The following PTPRD variants were observed in gnomAD, a reference collection of about 807,000 sequenced individuals.
PTPRD encodes protein tyrosine phosphatase receptor type D, also known as receptor-type tyrosine-protein phosphatase delta.
Under a neutral mutation model 214.5 loss-of-function variants are expected in PTPRD, and 34 were observed. The ratio of observed to expected loss-of-function variants is 0.16; its 90% CI spans 0.12 to 0.21. The LOEUF (loss-of-function observed/expected upper bound fraction) is 0.21. Ranked by LOEUF, PTPRD falls within the 10% of genes least tolerant of loss-of-function variation. PTPRD has a pLI of 1.00. For missense variants in PTPRD, 2,545 were observed against 2,398.7 expected (o/e 1.06, Z -1.27); for synonymous variants, 1,128 against 845.7 (o/e 1.33, Z -5.79).
chr9:9,212,476 A>G (rs1177790452), intron 9 of PTPRD, among the ~76,000 whole-genome samples: 1 of 152,160 alleles, frequency 6.6e-6, no homozygotes, highest in East Asian at 1.9e-4. Flanking sequence ...TTTTAACGCT[A>G]TTAATTGTAT....
intron 11 of PTPRD, among the ~76,000 whole-genome samples, chr9:8,867,612 T>C (rs1280208286): frequency 6.6e-6 from 1 of 152,228 alleles, no homozygotes; most frequent in Non-Finnish European, 1.5e-5. Flanking sequence ...ACGATGGATA[T>C]CAAAACTGCT....
chr9:9,506,979 ATTATATACAAGTATACTTGTC>A (rs1380989451), intron 8 of PTPRD, among the ~76,000 whole-genome samples: 1 of 151,476 alleles, frequency 6.6e-6, no homozygotes, highest in Non-Finnish European at 1.5e-5. Context: ...GTACTCAAAG[ATTATATACAAGTATACTTGTC>A]TTAGTTCCAT....
At chr9:8,573,627 T>C (rs919890235) in intron 14 of PTPRD, among the ~76,000 whole-genome samples, 1 of 151,994 alleles carries the variant, frequency 6.6e-6, no homozygotes, top group African/African-American at 2.4e-5. Flanking sequence ...ATATCTCTAA[T>C]GTTCACAAGC....
chr9:8,488,492 CAT>C (rs1341374023), intron 27 of PTPRD, among the ~76,000 whole-genome samples: 1 of 152,070 alleles, frequency 6.6e-6, no homozygotes. Context: ...ATATATAAAA[CAT>C]GTGTGTTGAA....
At chr9:9,894,320 A>G (rs1251078668) in intron 5 of PTPRD, among the ~76,000 whole-genome samples, 1 of 151,964 alleles carries the variant, frequency 6.6e-6, no homozygotes, top group Non-Finnish European at 1.5e-5. Context: ...AAACCTTTTC[A>G]CCTGTGCATT....
At chr9:8,929,452 G>A (rs1183065921) in intron 11 of PTPRD, among the ~76,000 whole-genome samples, 2 of 151,832 alleles carry the variant, frequency 1.3e-5, no homozygotes, top group Non-Finnish European at 2.9e-5. Flanking sequence ...ATAATCATGT[G>A]GTTTTGGTCA....
chr9:10,182,842 C>T (rs998640454), intron 3 of PTPRD, among the ~76,000 whole-genome samples: 46 of 152,058 alleles, frequency 3.0e-4, no homozygotes, highest in African/African-American at 1.1e-3. Flanking sequence ...ATGTATATCA[C>T]CCAACAATTC....
chr9:9,996,424 G>A (rs2096125096), intron 4 of PTPRD, among the ~76,000 whole-genome samples: 1 of 152,120 alleles, frequency 6.6e-6, no homozygotes, highest in Non-Finnish European at 1.5e-5. Flanking sequence ...CAAAACACTG[G>A]CAAATGAGAT....
At chr9:9,580,566 TGA>T (rs1173599008) in intron 7 of PTPRD, among the ~76,000 whole-genome samples, 7 of 122,312 alleles carry the variant, frequency 5.7e-5, no homozygotes, top group Admixed American at 8.2e-5. Flanking sequence ...TTTTTTTTTT[TGA>T]GACAGAGTCT....
intron 10 of PTPRD, among the ~76,000 whole-genome samples, chr9:9,058,753 G>GT (rs892200353): frequency 3.0e-4 from 45 of 150,850 alleles, no homozygotes; most frequent in East Asian, 5.9e-4. Context: ...CCGGCCGAGG[G>GT]TTTTTTTTTA....
intron 3 of PTPRD, among the ~76,000 whole-genome samples, chr9:10,133,993 G>C (rs2098923222): frequency 6.6e-6 from 1 of 152,082 alleles, no homozygotes; most frequent in Non-Finnish European, 1.5e-5. Context: ...AAACTAGTAT[G>C]TAAAATGGGA....
intron 3 of PTPRD, among the ~76,000 whole-genome samples, chr9:10,264,917 T>A (rs2093953630): frequency 6.6e-6 from 1 of 152,296 alleles, no homozygotes; most frequent in Non-Finnish European, 1.5e-5. Flanking sequence ...TGGTAGTGAA[T>A]AAGTCTCATG....
chr9:8,435,756 T>C (rs2132473214), intron 35 of PTPRD, among the ~76,000 whole-genome samples: 1 of 151,876 alleles, frequency 6.6e-6, no homozygotes, highest in East Asian at 1.9e-4. Flanking sequence ...CACACAGGCT[T>C]TTAATTTACC....
chr9:9,675,266 T>C (rs1346028779), intron 7 of PTPRD, among the ~76,000 whole-genome samples: 1 of 151,874 alleles, frequency 6.6e-6, no homozygotes, highest in Non-Finnish European at 1.5e-5. Flanking sequence ...TGTATCAAAA[T>C]CTGTAGATGC....
At chr9:9,029,975 G>A (rs2099599366) in intron 10 of PTPRD, among the ~76,000 whole-genome samples, 1 of 151,886 alleles carries the variant, frequency 6.6e-6, no homozygotes, top group African/African-American at 2.4e-5. Flanking sequence ...GCAGAGCCAG[G>A]AACTGAACCA....
At chr9:9,671,766 TC>T (rs942967605) in intron 7 of PTPRD, among the ~76,000 whole-genome samples, 14 of 152,100 alleles carry the variant, frequency 9.2e-5, no homozygotes, top group African/African-American at 3.4e-4. Context: ...GCCTTTCACC[TC>T]CCGCCATGAT....
intron 12 of PTPRD, among the ~76,000 whole-genome samples, chr9:8,659,996 A>C (rs1479435653): frequency 3.9e-5 from 6 of 152,258 alleles, no homozygotes; most frequent in Non-Finnish European, 8.8e-5. Context: ...AGAATTGTTC[A>C]AAACAACTTC....
At chr9:9,028,673 G>C (rs542394153) in intron 10 of PTPRD, among the ~76,000 whole-genome samples, 2 of 151,964 alleles carry the variant, frequency 1.3e-5, no homozygotes, top group Non-Finnish European at 2.9e-5. Flanking sequence ...ACAGAGAGAA[G>C]AATTAGTCTT....
chr9:8,483,751 C>A (rs1181837225), intron 30 of PTPRD, among the ~76,000 whole-genome samples: 1 of 152,034 alleles, frequency 6.6e-6, no homozygotes, highest in Non-Finnish European at 1.5e-5. Flanking sequence ...TGCACTCCAG[C>A]CTGGGTGACA....
Sources: allele counts gnomAD v4.1 joint callset (sites outside exome capture counted in the v4.1 genomes callset), GRCh38; gene constraint gnomAD v4.1.1; transcripts MANE v1.5; gene names NCBI Gene and HGNC (gene_info 2026-07-23, HGNC 2026-07-21).